Variants in TAFA5 observed in about 807,000 individuals in gnomAD.
TAFA5 encodes chemokine-like protein TAFA-5.
In TAFA5, 6 loss-of-function variants were observed where a neutral mutation model predicts 15.3. The observed-to-expected ratio is 0.39, with a 90% confidence interval of 0.21 to 0.77. The LOEUF (loss-of-function observed/expected upper bound fraction) is 0.77. TAFA5 is among the 30% of genes least tolerant of loss of function. The pLI, the probability that TAFA5 is intolerant of heterozygous loss-of-function variation, is 0.41. For missense variants in TAFA5, 161 were observed against 193.1 expected (o/e 0.83, Z 0.98); for synonymous variants, 103 against 80.7 (o/e 1.28, Z -1.48).
intron 2 of TAFA5, among the ~76,000 whole-genome samples, chr22:48,694,782 C>A (rs1300253168): frequency 1.5e-5 from 2 of 130,832 alleles, no homozygotes; most frequent in Non-Finnish European, 3.3e-5. Flanking sequence ...CCTCCTCCCC[C>A]ACCCCCCACC....
intron 2 of TAFA5, among the ~76,000 whole-genome samples, chr22:48,696,782 C>G (rs1928725863): frequency 6.6e-6 from 1 of 152,240 alleles, no homozygotes; most frequent in Non-Finnish European, 1.5e-5. Context: ...CCTCTGAGCC[C>G]AAACCCTGTG....
intron 1 of TAFA5, among the ~76,000 whole-genome samples, chr22:48,556,116 A>G (rs751801693): frequency 6.6e-6 from 1 of 152,190 alleles, no homozygotes; most frequent in Admixed American, 6.5e-5. Context: ...CTCCTGGGCC[A>G]CTGATGGGAG....
At chr22:48,542,361 G>A (rs1443255678) in intron 1 of TAFA5, among the ~76,000 whole-genome samples, 4 of 134,330 alleles carry the variant, frequency 3.0e-5, no homozygotes, top group African/African-American at 1.1e-4. Context: ...GTGCATATGT[G>A]TGTGTGCGGG....
At chr22:48,626,115 T>G (rs1316717703) in intron 1 of TAFA5, among the ~76,000 whole-genome samples, 1 of 152,250 alleles carries the variant, frequency 6.6e-6, no homozygotes, top group Admixed American at 6.5e-5. Context: ...TCTTGGTTGC[T>G]TCCAGTTTGG....
At chr22:48,709,018 G>A (rs928234123) in intron 3 of TAFA5, among the ~76,000 whole-genome samples, 2 of 152,170 alleles carry the variant, frequency 1.3e-5, no homozygotes, top group African/African-American at 2.4e-5. Flanking sequence ...AGAGTCGCAC[G>A]GCTTTCTGCT....
rs1465625959 is a variant in TAFA5, at chr22:48,489,895, G to T, written c.112+191G>T. 2.0e-5 allele frequency among the ~76,000 whole-genome samples: 3 copies of T among 151,834 alleles called. No homozygotes were observed. The highest frequency in any genetic ancestry group is 4.4e-5 in the Non-Finnish European group (3 of 67,920). ...GAGAGGGTCCACCCGGGTTCCGGGC[G>T]CTCGAGCACTTCGGGGTCGGACGCC... On this transcript the variant is annotated intron_variant, in intron 1 of 3. Transcript: ENST00000402357. This position sits in a 1 kb window ranked among gnomAD's most constrained non-coding sequence, Gnocchi z 5.5.
intron 3 of TAFA5, among the ~76,000 whole-genome samples, chr22:48,747,633 A>G (rs1194785123): frequency 1.3e-5 from 2 of 152,156 alleles, no homozygotes; most frequent in East Asian, 1.9e-4. Context: ...ACAGTGGCTC[A>G]TGCCTGTAAT....
chr22:48,567,904 C>T (rs1923461715), intron 1 of TAFA5, among the ~76,000 whole-genome samples: 1 of 152,190 alleles, frequency 6.6e-6, no homozygotes, highest in Admixed American at 6.5e-5. Flanking sequence ...TGGGAACGGG[C>T]AGAGGTTTGG....
chr22:48,661,352 G>C lies in TAFA5; in HGVS notation c.262+14606G>C, dbSNP rs544225035. Among the ~76,000 whole-genome samples, 5 of 152,344 alleles carry C rather than the reference G, an allele frequency of 3.3e-5. No homozygotes were observed. The East Asian group carries it at 9.7e-4, about 29-fold the overall frequency. On this transcript the variant is annotated intron_variant, in intron 2 of 3. Coordinates refer to ENST00000402357, the MANE Select transcript of TAFA5 (RefSeq NM_001082967.3). ...TCCTTGTGCCCTTCCCACGTTTACA[G>C]AAGAAGGCTGGGCTGAATGGTGTGC...
Position 48,649,371 on chromosome 22 carries a change from A to G in TAFA5, c.262+2625A>G, listed in dbSNP as rs115203882. 7.3e-3 allele frequency among the ~76,000 whole-genome samples: 1,106 copies of G among 152,138 alleles called. 17 individuals carry two copies. The highest frequency in any genetic ancestry group is 0.025 in the African/African-American group (1,052 of 41,502). The stretch of plus-strand genomic sequence containing the variant: ...GGAAGCTCTTTGGCACTTGGGAGGG[A>G]GAGTGTGGCGCGAGAGGCTGAGCTT... On this transcript the variant is annotated intron_variant, in intron 2 of 3. Transcript: ENST00000402357.
At chr22:48,708,988 G>T (rs2147252269) in intron 3 of TAFA5, among the ~76,000 whole-genome samples, 1 of 152,292 alleles carries the variant, frequency 6.6e-6, no homozygotes, top group Non-Finnish European at 1.5e-5. Context: ...GTAATTCGGG[G>T]CTCTCAGGGT....
chr22:48,515,763 CGGGGACTTG>C (rs1329358713), intron 1 of TAFA5, among the ~76,000 whole-genome samples: 1 of 152,178 alleles, frequency 6.6e-6, no homozygotes, highest in Non-Finnish European at 1.5e-5. Flanking sequence ...AGGGACAGTG[CGGGGACTTG>C]GGGACAGTGG....
At chr22:48,586,207 G>T (rs62225929) in intron 1 of TAFA5, among the ~76,000 whole-genome samples, 34,142 of 152,234 alleles carry the variant, frequency 0.22, 4,242 homozygotes, top group East Asian at 0.41. Context: ...AGGATAGCAG[G>T]ACAGGTGCAG....
Position 48,750,153 on chromosome 22 carries a change from CAGA to C in TAFA5, c.*307_*309del, listed in dbSNP as rs1183639240. ...ACCGTGGCGTTGGCCCTGCTGTCCTCAGAGGAGGAGGAGGAGGAGGCAGCTCCG... is the reference window on the plus strand; with the variant it reads ...ACCGTGGCGTTGGCCCTGCTGTCCTCGGAGGAGGAGGAGGAGGCAGCTCCG... On this transcript the variant is annotated 3_prime_UTR_variant, in exon 4 of 4. Transcript: ENST00000402357. 6.5e-6 allele frequency: 3 copies of C among 462,234 alleles called. No individual in the cohort carries two copies. Among genetic ancestry groups the C allele is most frequent in the Non-Finnish European group, 1.2e-5 (3 of 256,858 alleles). The allele number at this position is 462,234 out of a possible 1,614,324, so 28.6% of individuals were successfully genotyped here.
chr22:48,576,278 C>G (rs1333000135), intron 1 of TAFA5: 7 of 925,032 alleles, frequency 7.6e-6, no homozygotes. Flanking sequence ...CCCCCCTCCC[C>G]CCGCCCGCTC....
At chr22:48,538,160 AC>A (rs2147117056) in intron 1 of TAFA5, among the ~76,000 whole-genome samples, 2 of 152,298 alleles carry the variant, frequency 1.3e-5, no homozygotes, top group East Asian at 3.9e-4. Flanking sequence ...ACGTGAAACC[AC>A]CGAGATGGCC....
At chr22:48,612,589 C>T (rs1481041779) in intron 1 of TAFA5, among the ~76,000 whole-genome samples, 1 of 152,146 alleles carries the variant, frequency 6.6e-6, no homozygotes, top group East Asian at 1.9e-4. Flanking sequence ...GGTGCCCCCG[C>T]CCCACCTGTC....
intron 1 of TAFA5, among the ~76,000 whole-genome samples, chr22:48,561,051 CT>C (rs1601580196): frequency 6.6e-6 from 1 of 152,168 alleles, no homozygotes; most frequent in East Asian, 1.9e-4. Flanking sequence ...GTGGCAGGCT[CT>C]GCTCTTCAAG....
intron 1 of TAFA5, among the ~76,000 whole-genome samples, chr22:48,623,632 C>T (rs1298652770): frequency 6.6e-6 from 1 of 152,258 alleles, no homozygotes. Context: ...CTTGGAAAGC[C>T]TGCAGACAGG....
Sources: gnomAD v4.1 joint callset for allele counts (sites outside exome capture counted in the v4.1 genomes callset) on GRCh38, gnomAD v4.1.1 for gene constraint, Gnocchi (gnomAD v3.1) non-coding constraint, MANE v1.5 for transcripts, NCBI Gene and HGNC (gene_info 2026-07-23, HGNC 2026-07-21) for gene names.